CCNH: variants seen among roughly 807,000 people sequenced by gnomAD.
CCNH encodes cyclin H.
A neutral mutation model predicts 41.9 loss-of-function variants in CCNH; 31 were observed. The observed-to-expected ratio is 0.74, with a 90% confidence interval of 0.56 to 1.00. CCNH has a LOEUF of 1.00. Ranked by LOEUF, CCNH falls within the 50% of genes least tolerant of loss-of-function variation. The probability of loss-of-function intolerance (pLI) is 0.00; values close to 1 mark genes in which losing one functional copy is unlikely to be tolerated. For missense variants in CCNH, 362 were observed against 388.4 expected (o/e 0.93, Z 0.57); for synonymous variants, 138 against 136.1 (o/e 1.01, Z -0.10).
chr5:87,390,633 A>G (rs1762440784), downstream of CCNH, among the ~76,000 whole-genome samples: 1 of 152,210 alleles, frequency 6.6e-6, no homozygotes, highest in Admixed American at 6.5e-5. Flanking sequence ...TATGACCAGA[A>G]ATACTCAGCC....
At chr5:87,378,271 C>G (rs2112495216), upstream of CCNH, 1 of 1,086,826 alleles carries the variant, frequency 9.2e-7, no homozygotes. Context: ...ACTTTCAACG[C>G]TGCACGCAAA....
chr5:87,394,856 TAA>T (rs1336075628), intron 8 of CCNH, 186 bp downstream of exon 8: 7 of 1,379,324 alleles, frequency 5.1e-6, no homozygotes, highest in Non-Finnish European at 5.6e-6. Flanking sequence ...CTTCATTAAA[TAA>T]AGACAGAAGA....
chr5:87,313,867 G>A (rs142301470), downstream of CCNH, among the ~76,000 whole-genome samples: 1 of 152,096 alleles, frequency 6.6e-6, no homozygotes, highest in Non-Finnish European at 1.5e-5. Flanking sequence ...GATCAAAGAG[G>A]TCTGAAAATG....
intron 3 of CCNH, among the ~76,000 whole-genome samples, chr5:87,408,728 TA>T (rs1475066981): frequency 2.6e-5 from 4 of 152,098 alleles, no homozygotes; most frequent in Non-Finnish European, 2.9e-5. Context: ...AAAGCTACTG[TA>T]AAAAACAGTT....
chr5:87,338,536 A>ATATATATATATATATATATTTTTTTTT, intron 9 of CCNH, among the ~76,000 whole-genome samples: 1 of 85,216 alleles, frequency 1.2e-5, no homozygotes, highest in Non-Finnish European at 2.3e-5. Context: ...TATATATAAA[A>ATATATATATATATATATATTTTTTTTT]TTTTTTTTTT....
chr5:87,362,805 A>G lies in CCNH; in HGVS notation c.*90+29965T>C. The stretch of plus-strand genomic sequence containing the variant: ...ATTGACACTTGTTTAGAGCCCATAT[A>G]TAAGCATTCTTCAAAATTTAGAGTG... On this transcript the variant is annotated intron_variant and NMD_transcript_variant, in intron 9 of 9. Coordinates refer to the CCNH transcript ENST00000645953. 1.9e-5 allele frequency: 19 copies of G among 999,152 alleles called. No homozygotes were observed. In the South Asian group the frequency reaches 2.5e-4, roughly 13 times the overall value. The allele number at this position is 999,152 out of a possible 1,614,324, so 61.9% of individuals were successfully genotyped here. A position where few individuals can be genotyped will look rare whatever the true frequency, so the allele number is the denominator to read the frequency against.
intron 9 of CCNH, among the ~76,000 whole-genome samples, chr5:87,338,520 TA>T (rs1561292349): frequency 1.2e-4 from 12 of 100,880 alleles, no homozygotes; most frequent in South Asian, 6.9e-4. Context: ...TATATATATA[TA>T]TATATATATA....
intron 9 of CCNH, among the ~76,000 whole-genome samples, chr5:87,336,553 A>C (rs1757986365): frequency 6.6e-6 from 1 of 152,124 alleles, no homozygotes; most frequent in Non-Finnish European, 1.5e-5. Flanking sequence ...ACACAAAATA[A>C]TATAGAATGA....
At chr5:87,389,650 C>G (rs1762336943), downstream of CCNH, 1 of 1,291,656 alleles carries the variant, frequency 7.7e-7, no homozygotes, top group Non-Finnish European at 1.1e-6. Context: ...GACTCTGCAT[C>G]ATATTACAAA....
At chr5:87,340,855 A>G (rs1417921566) in intron 9 of CCNH, among the ~76,000 whole-genome samples, 1 of 152,182 alleles carries the variant, frequency 6.6e-6, no homozygotes, top group Non-Finnish European at 1.5e-5. Context: ...ACCATGGTAT[A>G]GGAACCAAAA....
At chr5:87,334,034 G>A (rs1432939605) in intron 9 of CCNH, among the ~76,000 whole-genome samples, 1 of 152,178 alleles carries the variant, frequency 6.6e-6, no homozygotes, top group African/African-American at 2.4e-5. Context: ...TGTGTTTCAT[G>A]TAACTATGGG....
downstream of CCNH, among the ~76,000 whole-genome samples, chr5:87,372,734 C>T (rs1421495383): frequency 6.6e-6 from 1 of 151,972 alleles, no homozygotes; most frequent in Non-Finnish European, 1.5e-5. Context: ...CATTTCTTGG[C>T]TTTTTTCTTT....
intron 9 of CCNH, among the ~76,000 whole-genome samples, chr5:87,334,669 G>A (rs1159365717): frequency 2.0e-5 from 3 of 152,296 alleles, no homozygotes; most frequent in Middle Eastern, 3.4e-3. Context: ...GCACAAAAGT[G>A]TACTGTATTC....
At chr5:87,352,425 T>C (rs897872489) in intron 9 of CCNH, among the ~76,000 whole-genome samples, 1 of 151,712 alleles carries the variant, frequency 6.6e-6, no homozygotes, top group African/African-American at 2.4e-5. Flanking sequence ...TAAAGGAAGG[T>C]TTAAAATTCC....
intron 9 of CCNH, among the ~76,000 whole-genome samples, chr5:87,335,213 TTGAGAGAA>T (rs1757876424): frequency 6.6e-6 from 1 of 152,044 alleles, no homozygotes; most frequent in South Asian, 2.1e-4. Flanking sequence ...CCATTTTCAC[TTGAGAGAA>T]TGTTTGACAT....
chr5:87,312,042 G>A, the CCNH span, among the ~76,000 whole-genome samples: 2 of 152,172 alleles, frequency 1.3e-5, no homozygotes, highest in African/African-American at 4.8e-5. Context: ...AATGAAATGT[G>A]TTAATATCTG....
In CCNH at chr5:87,412,912, T is replaced by C. The variant is rs1561361833; in HGVS notation, c.-118A>G. ...CTCGCGGAAGCCTAGGGCGTCCGGC[T>C]AGCCGGCGCTGGCGCGCTGTCGTCA... On this transcript the variant is annotated 5_prime_UTR_variant, in exon 1 of 9. Coordinates refer to ENST00000256897, the MANE Select transcript of CCNH (RefSeq NM_001239.4). 6.8e-7 allele frequency: 1 copy of C among 1,473,778 alleles called. No individual in the cohort carries two copies. The highest frequency in any genetic ancestry group is 9.0e-7 in the Non-Finnish European group (1 of 1,111,958). The allele number at this position is 1,473,778 out of a possible 1,614,324, so 91.3% of individuals were successfully genotyped here. A position where few individuals can be genotyped will look rare whatever the true frequency, so the allele number is the denominator to read the frequency against.
intron 9 of CCNH, among the ~76,000 whole-genome samples, chr5:87,382,611 C>A (rs572901408): frequency 2.6e-5 from 4 of 152,288 alleles, no homozygotes; most frequent in African/African-American, 9.6e-5. Context: ...ATCCTCCCTA[C>A]CAGTGACTAA....
intron 9 of CCNH, among the ~76,000 whole-genome samples, chr5:87,355,131 C>T (rs1335982954): frequency 6.6e-6 from 1 of 152,176 alleles, no homozygotes; most frequent in Admixed American, 6.5e-5. Context: ...CAGAAGATAA[C>T]TAGCAAGTTA....
Sources: allele counts gnomAD v4.1 joint callset (sites outside exome capture counted in the v4.1 genomes callset), GRCh38; gene constraint gnomAD v4.1.1; transcripts MANE v1.5; gene names NCBI Gene and HGNC (gene_info 2026-07-23, HGNC 2026-07-21).